Variants in DNAH3 observed in about 807,000 individuals in gnomAD.
The protein encoded by DNAH3 is dynein axonemal heavy chain 3.
In DNAH3, 332 loss-of-function variants were observed where a neutral mutation model predicts 432.5. That is an observed-to-expected ratio of 0.77 (90% CI 0.70 to 0.84). DNAH3 has a LOEUF of 0.84. Ranked by LOEUF, DNAH3 falls within the 40% of genes least tolerant of loss-of-function variation. DNAH3 has a pLI of 0.00. For synonymous variants in DNAH3, 1,956 were observed against 1,900.2 expected, an observed-to-expected ratio of 1.03 and a Z score of -0.76; for missense variants, 4,861 against 5,114.0, an observed-to-expected ratio of 0.95 and a Z score of 1.51.
exon 7 of DNAH3, chr16:21,134,357 G>C: frequency 6.2e-7 from 1 of 1,614,072 alleles, no homozygotes; most frequent in African/African-American, 1.3e-5. Flanking sequence ...CACTGTGCCA[G>C]GGCACAGGGG....
At chr16:21,025,922 A>C (rs1016306843) in intron 38 of DNAH3, among the ~76,000 whole-genome samples, 1 of 152,096 alleles carries the variant, frequency 6.6e-6, no homozygotes, top group African/African-American at 2.4e-5. Flanking sequence ...TTTCTGTAGT[A>C]GAAATGAGGT....
chr16:21,072,855 T>C (rs1212072306), intron 21 of DNAH3, among the ~76,000 whole-genome samples: 1 of 149,816 alleles, frequency 6.7e-6, no homozygotes, highest in African/African-American at 2.5e-5. Context: ...ATTATTATTA[T>C]TATTATTTTG....
At chr16:21,061,464 T>C (rs2090358329) in intron 25 of DNAH3, among the ~76,000 whole-genome samples, 1 of 151,848 alleles carries the variant, frequency 6.6e-6, no homozygotes, top group Admixed American at 6.6e-5. Flanking sequence ...CCTTAGGTGA[T>C]CCACCCGCCT....
rs1555579919 is a variant in DNAH3 at position 21,156,200 on chromosome 16, ATTTAT to A, written c.117+3120_117+3124del. 3.0e-3 allele frequency among the ~76,000 whole-genome samples: 224 copies of A among 75,756 alleles called. 2 individuals are homozygous for A. The highest frequency in any genetic ancestry group is 0.016 in the South Asian group (48 of 3,038). 49.7% of individuals were successfully genotyped at this position (75,756 alleles called of 152,430 possible). On this transcript the variant is annotated intron_variant, in intron 1 of 61. Coordinates refer to ENST00000261383, the Ensembl canonical transcript of DNAH3. ...ATTTTATTTTATTTTATTTTATTTT[ATTTAT>A]TTTATTTTATTTTATTTTATTATTT...
chr16:20,935,314 C>T (rs921469386), intron 61 of DNAH3, 34 bp downstream of exon 61: 2 of 1,612,572 alleles, frequency 1.2e-6, no homozygotes, highest in Middle Eastern at 1.7e-4. Flanking sequence ...CTCTGGTCAG[C>T]CCCTTGAGTG....
chr16:21,035,358 A>C (rs2089117744), intron 35 of DNAH3, among the ~76,000 whole-genome samples: 1 of 152,148 alleles, frequency 6.6e-6, no homozygotes, highest in Non-Finnish European at 1.5e-5. Context: ...AAAACATTAA[A>C]GATTCAATAG....
At chr16:21,010,575 G>T (rs2087544827) in intron 41 of DNAH3, among the ~76,000 whole-genome samples, 1 of 152,104 alleles carries the variant, frequency 6.6e-6, no homozygotes, top group Non-Finnish European at 1.5e-5. Context: ...ATGCTTCCCA[G>T]TGTAGTTCCT....
intron 53 of DNAH3, among the ~76,000 whole-genome samples, chr16:20,959,819 CA>C (rs1314787838): frequency 6.6e-6 from 1 of 152,034 alleles, no homozygotes; most frequent in Non-Finnish European, 1.5e-5. Context: ...AACACATAGA[CA>C]TTCTTGATAA....
At chr16:20,962,479 TA>T (rs1379835068) in intron 53 of DNAH3, among the ~76,000 whole-genome samples, 1 of 152,058 alleles carries the variant, frequency 6.6e-6, no homozygotes, top group Non-Finnish European at 1.5e-5. Context: ...TGGGAAACTG[TA>T]TAAGGGAGGG....
At chr16:20,989,660 G>A (rs1365244071) in intron 44 of DNAH3, among the ~76,000 whole-genome samples, 1 of 152,248 alleles carries the variant, frequency 6.6e-6, no homozygotes, top group Non-Finnish European at 1.5e-5. Flanking sequence ...CAGCCTTTGG[G>A]TGGTCGATGG....
chr16:21,064,946 A>C (rs1381962786), intron 24 of DNAH3, among the ~76,000 whole-genome samples: 2 of 149,780 alleles, frequency 1.3e-5, no homozygotes, highest in African/African-American at 2.5e-5. Context: ...TAAATGGCTG[A>C]ATATCTTATC....
chr16:21,063,562 A>G (rs575068232), intron 24 of DNAH3, among the ~76,000 whole-genome samples: 1 of 141,222 alleles, frequency 7.1e-6, no homozygotes, highest in East Asian at 2.0e-4. Context: ...ATTTTATTTG[A>G]GACAGGGTCT....
At chr16:20,991,926 A>G (rs1219725237) in intron 44 of DNAH3, among the ~76,000 whole-genome samples, 6 of 152,158 alleles carry the variant, frequency 3.9e-5, no homozygotes, top group Non-Finnish European at 5.9e-5. Context: ...CAAAGTGGTA[A>G]TATTCTGAGT....
At chr16:21,035,100 G>GCGTAGCT (rs2089097072) in intron 35 of DNAH3, among the ~76,000 whole-genome samples, 1 of 152,180 alleles carries the variant, frequency 6.6e-6, no homozygotes, top group African/African-American at 2.4e-5. Flanking sequence ...GTCAAGGTGG[G>GCGTAGCT]GGGATCATTT....
chr16:21,078,047 A>G (rs186156907), intron 20 of DNAH3, among the ~76,000 whole-genome samples: 1 of 152,236 alleles, frequency 6.6e-6, no homozygotes, highest in Non-Finnish European at 1.5e-5. Context: ...AGGCCAAGGC[A>G]GGTGAATCAC....
chr16:21,125,470 A>G (rs2092429288), intron 8 of DNAH3, 100 bp from the exon 10 acceptor site: 8 of 913,074 alleles, frequency 8.8e-6, no homozygotes, highest in East Asian at 2.8e-5. Flanking sequence ...GATGGGCTCA[A>G]TGTCCCACCA....
intron 57 of DNAH3, among the ~76,000 whole-genome samples, chr16:20,946,629 C>CATACA (rs1312636505): frequency 6.6e-6 from 1 of 152,090 alleles, no homozygotes; most frequent in East Asian, 1.9e-4. Context: ...TATATATCTA[C>CATACA]TGGTTTTCAT....
At chr16:21,106,178 A>C (rs1425362504) in intron 15 of DNAH3, among the ~76,000 whole-genome samples, 12 of 94,648 alleles carry the variant, frequency 1.3e-4, no homozygotes, top group East Asian at 1.1e-3. Flanking sequence ...GACTCCATCT[A>C]AAAAAAAAAA....
chr16:21,116,963 G>A (rs2092218024), intron 12 of DNAH3, among the ~76,000 whole-genome samples: 1 of 152,194 alleles, frequency 6.6e-6, no homozygotes, highest in African/African-American at 2.4e-5. Flanking sequence ...TAATGGAGGT[G>A]GATCTGTAAT....
Sources: gnomAD v4.1 joint callset for allele counts (sites outside exome capture counted in the v4.1 genomes callset) on GRCh38, gnomAD v4.1.1 for gene constraint, MANE v1.5 for transcripts, NCBI Gene and HGNC (gene_info 2026-07-23, HGNC 2026-07-21) for gene names.